SYT16: variants seen among roughly 807,000 people sequenced by gnomAD.
SYT16 encodes the protein synaptotagmin-16.
SYT16 carries 42 observed loss-of-function variants against 61.4 expected under a neutral mutation model. The ratio of observed to expected loss-of-function variants is 0.68; its 90% CI spans 0.53 to 0.89. The LOEUF is 0.89. Among genes scored for constraint, SYT16 ranks in the 40% least tolerant of loss-of-function variants. The pLI, the probability that SYT16 is intolerant of heterozygous loss-of-function variation, is 0.00. For missense variants in SYT16, 804 were observed against 807.3 expected (o/e 1.00, Z 0.05); for synonymous variants, 314 against 302.3 (o/e 1.04, Z -0.40).
chr14:62,033,531 A>G (rs2054386556), intron 3 of SYT16, among the ~76,000 whole-genome samples: 1 of 152,142 alleles, frequency 6.6e-6, no homozygotes, highest in Non-Finnish European at 1.5e-5. Flanking sequence ...TTGTTTTACA[A>G]GTTCATGAGC....
intron 3 of SYT16, among the ~76,000 whole-genome samples, chr14:62,024,952 T>G (rs2054045007): frequency 1.3e-5 from 2 of 152,122 alleles, no homozygotes; most frequent in African/African-American, 4.8e-5. Context: ...CCATATCTTT[T>G]CATGGCTTGA....
In SYT16 at chr14:62,109,525, G is replaced by A. The variant is rs1230974412; in HGVS notation, c.*8818G>A. 1.3e-5 allele frequency: 2 copies of A among 152,082 alleles called. No homozygotes were observed. The highest frequency in any genetic ancestry group is 3.8e-4 in the East Asian group (2 of 5,198). 9.4% of individuals were successfully genotyped at this position (152,082 alleles called of 1,614,324 possible). ...ATCAAATAAAATGTAGCAACTTCCA[G>A]TCTAGAATAAATTTCACCTATATGA... On this transcript the variant is annotated 3_prime_UTR_variant, in exon 8 of 8. Coordinates refer to ENST00000683842, the MANE Select transcript of SYT16 (RefSeq NM_001367656.1).
intron 2 of SYT16, among the ~76,000 whole-genome samples, chr14:61,970,801 G>A (rs1566726904): frequency 6.6e-6 from 1 of 152,098 alleles, no homozygotes; most frequent in Admixed American, 6.5e-5. Flanking sequence ...TGCTCTTAAA[G>A]GACATATTCT....
intron 1 of SYT16, among the ~76,000 whole-genome samples, chr14:61,966,128 A>G (rs1197574594): frequency 6.6e-6 from 1 of 151,332 alleles, no homozygotes; most frequent in Non-Finnish European, 1.5e-5. Context: ...AGCCATTACT[A>G]CAAGAATTGT....
chr14:61,827,636 AT>A (rs942247893), intron 1 of SYT16, among the ~76,000 whole-genome samples: 3 of 151,478 alleles, frequency 2.0e-5, no homozygotes, highest in South Asian at 2.1e-4. Context: ...ATTGGTCATG[AT>A]TTTTTTTTGG....
At chr14:61,969,176 G>T (rs1205323864) in intron 1 of SYT16, among the ~76,000 whole-genome samples, 2 of 152,186 alleles carry the variant, frequency 1.3e-5, no homozygotes, top group Non-Finnish European at 2.9e-5. Flanking sequence ...GATTAAAGCT[G>T]CTCTTAGGAG....
intron 1 of SYT16, among the ~76,000 whole-genome samples, chr14:61,906,033 G>A (rs1457026192): frequency 1.3e-5 from 2 of 152,208 alleles, no homozygotes; most frequent in African/African-American, 4.8e-5. Flanking sequence ...GGGATTACAG[G>A]TGTGAGCCAC....
intron 5 of SYT16, among the ~76,000 whole-genome samples, chr14:62,080,253 C>T (rs142363655): frequency 6.6e-6 from 1 of 152,206 alleles, no homozygotes; most frequent in Non-Finnish European, 1.5e-5. Flanking sequence ...ATCTCAAGCT[C>T]CACTCCAGAC....
chr14:62,019,626 T>C (rs1355899783), intron 3 of SYT16, among the ~76,000 whole-genome samples: 2 of 152,260 alleles, frequency 1.3e-5, no homozygotes, highest in Non-Finnish European at 2.9e-5. Flanking sequence ...ATGTGAAGTT[T>C]GGCCTAGAAT....
intron 1 of SYT16, among the ~76,000 whole-genome samples, chr14:61,938,780 A>G (rs1273935656): frequency 6.6e-6 from 1 of 152,246 alleles, no homozygotes; most frequent in African/African-American, 2.4e-5. Flanking sequence ...TTTAGGGGAC[A>G]GAGGGAGTGT....
At chr14:62,081,958 A>G (rs924031385) in intron 6 of SYT16, among the ~76,000 whole-genome samples, 1 of 152,214 alleles carries the variant, frequency 6.6e-6, no homozygotes, top group African/African-American at 2.4e-5. Context: ...GGCAAAGTGG[A>G]TGCAGGAAAG....
At chr14:61,926,225 T>C (rs1213215721) in intron 1 of SYT16, among the ~76,000 whole-genome samples, 2 of 139,230 alleles carry the variant, frequency 1.4e-5, no homozygotes, top group Non-Finnish European at 3.1e-5. Context: ...AAAAATAAGG[T>C]TTACTCAGCC....
At chr14:61,933,807 GA>G (rs1566692507) in intron 1 of SYT16, among the ~76,000 whole-genome samples, 1 of 151,722 alleles carries the variant, frequency 6.6e-6, no homozygotes, top group African/African-American at 2.4e-5. Flanking sequence ...TTCTATTTAA[GA>G]AAAAAACAGT....
chr14:61,993,991 T>TA (rs1330118212), intron 2 of SYT16, among the ~76,000 whole-genome samples: 2 of 152,124 alleles, frequency 1.3e-5, no homozygotes, highest in Non-Finnish European at 2.9e-5. Context: ...AAACCTCATA[T>TA]AAAATCAGGT....
chr14:61,825,553 C>T (rs1410565702), intron 1 of SYT16, among the ~76,000 whole-genome samples: 2 of 152,042 alleles, frequency 1.3e-5, no homozygotes, highest in Admixed American at 1.3e-4. Context: ...CTTGGTGGTG[C>T]GTGCCTGTAG....
intron 1 of SYT16, among the ~76,000 whole-genome samples, chr14:61,864,163 C>T (rs1247489272): frequency 6.6e-6 from 1 of 152,216 alleles, no homozygotes; most frequent in Admixed American, 6.5e-5. Flanking sequence ...AATTGGTAGA[C>T]TTGGGGTTGT....
At chr14:61,977,628 T>C (rs1183760583) in intron 2 of SYT16, among the ~76,000 whole-genome samples, 1 of 152,112 alleles carries the variant, frequency 6.6e-6, no homozygotes, top group Non-Finnish European at 1.5e-5. Flanking sequence ...ACATGGGGAT[T>C]ACAGGGATTA....
chr14:61,974,604 C>T (rs1009947354), intron 2 of SYT16, among the ~76,000 whole-genome samples: 1 of 152,118 alleles, frequency 6.6e-6, no homozygotes, highest in African/African-American at 2.4e-5. Flanking sequence ...TAAACTCACA[C>T]CAGTGCCCAG....
intron 3 of SYT16, among the ~76,000 whole-genome samples, chr14:62,013,763 A>C (rs1324758667): frequency 6.6e-6 from 1 of 152,150 alleles, no homozygotes; most frequent in Non-Finnish European, 1.5e-5. Context: ...CAGGTGTTCA[A>C]GACCAGCCTG....
Sources: gnomAD v4.1 joint callset for allele counts (sites outside exome capture counted in the v4.1 genomes callset) on GRCh38, gnomAD v4.1.1 for gene constraint, MANE v1.5 for transcripts, NCBI Gene and HGNC (gene_info 2026-07-23, HGNC 2026-07-21) for gene names.